VIPR1: variants seen among roughly 807,000 people sequenced by gnomAD.
VIPR1 encodes the protein vasoactive intestinal peptide receptor 1.
VIPR1 carries 59 observed loss-of-function variants against 58.8 expected under a neutral mutation model. The ratio of observed to expected loss-of-function variants is 1.00; its 90% CI spans 0.81 to 1.25. VIPR1 has a LOEUF of 1.25. VIPR1 is among the 50% of genes most tolerant of loss of function. The pLI, the probability that VIPR1 is intolerant of heterozygous loss-of-function variation, is 0.00. For synonymous variants in VIPR1, 251 were observed against 242.1 expected, an observed-to-expected ratio of 1.04 and a Z score of -0.34; for missense variants, 626 against 602.7, an observed-to-expected ratio of 1.04 and a Z score of -0.40.
At chr3:42,514,697 G>T (rs1410358631) in intron 2 of VIPR1, among the ~76,000 whole-genome samples, 2 of 151,984 alleles carry the variant, frequency 1.3e-5, no homozygotes, top group South Asian at 2.1e-4. Context: ...ACAAGTCAAG[G>T]TCAGCCCCAG....
At position 42,536,080 on chromosome 3, in the gene VIPR1, C is replaced by A; in HGVS notation, c.1183-10C>A. 6.3e-7 allele frequency: 1 copy of A among 1,588,192 alleles called. No homozygotes were observed. The highest frequency in any genetic ancestry group is 2.3e-5 in the East Asian group (1 of 43,468). ...ACAGCAGTGGGCCTGACCACCTTCC[C>A]CTCTCCTAGGTGCAGGCGGAGCTGA... On this transcript the variant is annotated splice_polypyrimidine_tract_variant and intron_variant, in intron 12 of 12. Coordinates refer to ENST00000325123, the MANE Select transcript of VIPR1 (RefSeq NM_004624.4).
Position 42,535,393 on chromosome 3 carries a change from C to A in VIPR1, c.1182+9C>A. 6.2e-7 allele frequency: 1 copy of A among 1,613,966 alleles called. No individual in the cohort carries two copies. Among genetic ancestry groups the A allele is most frequent in the South Asian group, 1.1e-5 (1 of 91,068 alleles). Reference sequence around the variant, plus strand: ...GCTTCCTCAATGGTGAGGTAAGCCCCTCCCAGTCCTTGGGGCTTAGGCAAT... The same window carrying A: ...GCTTCCTCAATGGTGAGGTAAGCCCATCCCAGTCCTTGGGGCTTAGGCAAT... On this transcript the variant is annotated intron_variant, in intron 12 of 12. Coordinates refer to ENST00000325123, the MANE Select transcript of VIPR1 (RefSeq NM_004624.4).
At chr3:42,528,250 C>T in intron 6 of VIPR1, 127 bp downstream of exon 6, 1 of 1,319,100 alleles carries the variant, frequency 7.6e-7, no homozygotes, top group Non-Finnish European at 1.0e-6. Context: ...CCCCTCAATC[C>T]AAGGATAGCC....
In VIPR1 at chr3:42,502,714, C is replaced by A; in HGVS notation, c.-22C>A. ...AGCTCTTTGCCCGCGCGGGGCCGCC[C>A]GCCGCGGGCTCAGGGCAGACCATGC... On this transcript the variant is annotated 5_prime_UTR_variant, in exon 1 of 13. Coordinates refer to ENST00000325123, the MANE Select transcript of VIPR1 (RefSeq NM_004624.4). The A allele has an allele frequency of 7.8e-7, 1 of 1,287,930 alleles. No homozygotes were observed. The allele number at this position is 1,287,930 out of a possible 1,614,324, so 79.8% of individuals were successfully genotyped here. A position where few individuals can be genotyped will look rare whatever the true frequency, so the allele number is the denominator to read the frequency against.
chr3:42,523,524 T>C (rs1035954052), intron 3 of VIPR1, among the ~76,000 whole-genome samples: 3 of 151,834 alleles, frequency 2.0e-5, no homozygotes, highest in Admixed American at 2.0e-4. Flanking sequence ...AGCCTTGGGA[T>C]CCCCATTTTT....
At chr3:42,498,916 C>G (rs995861087), upstream of VIPR1, among the ~76,000 whole-genome samples, 19 of 152,182 alleles carry the variant, frequency 1.2e-4, no homozygotes, top group African/African-American at 4.6e-4. Flanking sequence ...CCTCTCCTGC[C>G]CTCCACCAAA....
intron 3 of VIPR1, among the ~76,000 whole-genome samples, chr3:42,523,703 C>T (rs1398161920): frequency 6.6e-6 from 1 of 152,024 alleles, no homozygotes; most frequent in Non-Finnish European, 1.5e-5. Context: ...ATTCATGATA[C>T]CAGATGCTTG....
chr3:42,521,477 C>T (rs749473898), intron 3 of VIPR1: 3 of 152,204 alleles, frequency 2.0e-5, no homozygotes, highest in Admixed American at 6.5e-5. Context: ...GGCAACCGAC[C>T]TGAAATTCCA....
chr3:42,507,107 A>G (rs1187059083), intron 1 of VIPR1: 2 of 152,192 alleles, frequency 1.3e-5, no homozygotes, highest in African/African-American at 4.8e-5. Flanking sequence ...ACCAAAGGAC[A>G]CTCTTCTATA....
chr3:42,523,627 A>ACACACT (rs1553638634), intron 3 of VIPR1, among the ~76,000 whole-genome samples: 14 of 149,108 alleles, frequency 9.4e-5, no homozygotes, highest in African/African-American at 3.0e-4. Flanking sequence ...ACACACACAC[A>ACACACT]CACACACACA....
At chr3:42,522,130 T>A (rs1418258692) in intron 3 of VIPR1, among the ~76,000 whole-genome samples, 1 of 64,112 alleles carries the variant, frequency 1.6e-5, no homozygotes, top group Admixed American at 2.0e-4. Flanking sequence ...TTTTTTTTTT[T>A]AGACAGCGTC....
chr3:42,504,454 C>T (rs1235824954), intron 1 of VIPR1, among the ~76,000 whole-genome samples: 2 of 152,110 alleles, frequency 1.3e-5, no homozygotes, highest in East Asian at 3.9e-4. Flanking sequence ...CCTGATTGCT[C>T]CAGCCAACTC....
rs1423463898 is a variant in VIPR1, at chr3:42,530,933, G to A, written c.790+1G>A. Reference sequence around the variant, plus strand: ...TGGGGGTACATACTCATCGGCTGGGGTATGGTACCAGGGAGGGCTTCCAGG... The same window carrying A: ...TGGGGGTACATACTCATCGGCTGGGATATGGTACCAGGGAGGGCTTCCAGG... On this transcript the variant is annotated splice_donor_variant, in intron 7 of 12. Coordinates refer to ENST00000325123, the MANE Select transcript of VIPR1 (RefSeq NM_004624.4). LOFTEE classifies it high-confidence loss of function. The A allele has an allele frequency of 2.5e-6, 4 of 1,613,834 alleles. No individual in the cohort carries two copies. The highest frequency in any genetic ancestry group is 3.4e-6 in the Non-Finnish European group (4 of 1,179,898).
At chr3:42,503,320 C>T (rs995861816) in intron 1 of VIPR1, among the ~76,000 whole-genome samples, 1 of 152,088 alleles carries the variant, frequency 6.6e-6, no homozygotes, top group African/African-American at 2.4e-5. Context: ...AGGTGAGTGA[C>T]AGGCACATCC....
chr3:42,526,835 G>A (rs1701257457), intron 4 of VIPR1, among the ~76,000 whole-genome samples: 1 of 152,088 alleles, frequency 6.6e-6, no homozygotes, highest in Non-Finnish European at 1.5e-5. Flanking sequence ...ACACCCTCGG[G>A]GCCTAGCTTT....
At chr3:42,499,759 C>T (rs549567326), upstream of VIPR1, among the ~76,000 whole-genome samples, 12 of 152,070 alleles carry the variant, frequency 7.9e-5, no homozygotes, top group Admixed American at 3.3e-4. Flanking sequence ...GTCCGTCGGC[C>T]CCCCCTCTGC....
chr3:42,522,101 A>ATATATATATATATATATATTTT (rs1419353370), intron 3 of VIPR1, among the ~76,000 whole-genome samples: 1 of 35,372 alleles, frequency 2.8e-5, no homozygotes. Context: ...ATATATATAT[A>ATATATATATATATATATATTTT]TTTTTTTTTT....
intron 3 of VIPR1, 47 bp downstream of exon 3, chr3:42,519,377 G>A (rs771091984): frequency 7.3e-6 from 11 of 1,516,494 alleles, no homozygotes; most frequent in Non-Finnish European, 9.8e-6. Context: ...GCCGGCTGGA[G>A]TGGGGACTCA....
intron 2 of VIPR1, 102 bp downstream of exon 2, chr3:42,513,956 G>A (rs1177906950): frequency 3.0e-6 from 4 of 1,317,910 alleles, no homozygotes; most frequent in Admixed American, 4.4e-5. Context: ...CACATTTATT[G>A]GATGATGGTG....
Sources: gnomAD v4.1 joint callset for allele counts (sites outside exome capture counted in the v4.1 genomes callset) on GRCh38, gnomAD v4.1.1 for gene constraint, MANE v1.5 for transcripts, NCBI Gene and HGNC (gene_info 2026-07-23, HGNC 2026-07-21) for gene names.